Variants in PPM1E observed in about 807,000 individuals in gnomAD.
PPM1E encodes the protein protein phosphatase 1E.
Under a neutral mutation model 65.9 loss-of-function variants are expected in PPM1E, and 20 were observed. The observed-to-expected ratio is 0.30, with a 90% CI of 0.21 to 0.44. The LOEUF is 0.44. PPM1E is among the 20% of genes least tolerant of loss of function. The pLI is 1.00. For missense variants in PPM1E, 713 were observed against 953.1 expected (o/e 0.75, Z 3.32); for synonymous variants, 352 against 374.9 (o/e 0.94, Z 0.70).
At chr17:58,839,403 G>A (rs567712164) in intron 1 of PPM1E, among the ~76,000 whole-genome samples, 1 of 152,100 alleles carries the variant, frequency 6.6e-6, no homozygotes, top group Non-Finnish European at 1.5e-5. Flanking sequence ...ACTGTGACAA[G>A]AGCATCTAAC....
At chr17:58,916,260 G>A (rs1034382987) in intron 1 of PPM1E, among the ~76,000 whole-genome samples, 10 of 152,156 alleles carry the variant, frequency 6.6e-5, no homozygotes, top group Admixed American at 1.3e-4. Context: ...AAAAGACAGC[G>A]TGTACATAAA....
At chr17:58,764,312 T>C (rs147007125) in intron 1 of PPM1E, among the ~76,000 whole-genome samples, 9 of 152,274 alleles carry the variant, frequency 5.9e-5, no homozygotes, top group East Asian at 3.9e-4. Context: ...ACTTTAATTC[T>C]GTAACACATA....
intron 1 of PPM1E, among the ~76,000 whole-genome samples, chr17:58,848,678 T>G (rs1282138045): frequency 6.6e-6 from 1 of 152,216 alleles, no homozygotes; most frequent in African/African-American, 2.4e-5. Flanking sequence ...GGTTTGCCAG[T>G]ATTTTATTGA....
intron 1 of PPM1E, among the ~76,000 whole-genome samples, chr17:58,873,306 C>T (rs1011056885): frequency 1.1e-4 from 17 of 152,098 alleles, no homozygotes; most frequent in African/African-American, 4.1e-4. Flanking sequence ...ATACTATCAA[C>T]ATTACTGTTT....
At chr17:58,927,423 C>T (rs1197933542) in intron 1 of PPM1E, among the ~76,000 whole-genome samples, 1 of 152,016 alleles carries the variant, frequency 6.6e-6, no homozygotes, top group South Asian at 2.1e-4. Context: ...AGCCACCGCA[C>T]CCAGCCGACT....
intron 1 of PPM1E, among the ~76,000 whole-genome samples, chr17:58,937,263 CTTTTTTT>C (rs561439071): frequency 3.1e-4 from 41 of 133,938 alleles, no homozygotes; most frequent in Non-Finnish European, 5.3e-4. Flanking sequence ...AGGCCTGTCT[CTTTTTTT>C]TTTTTTTTTT....
At chr17:58,899,432 C>G (rs560831784) in intron 1 of PPM1E, 1 of 203,764 alleles carries the variant, frequency 4.9e-6, no homozygotes, top group South Asian at 8.8e-5. Flanking sequence ...CTGCCAAAAC[C>G]TTAGATAAGG....
chr17:58,764,621 GT>G (rs1012573731), intron 1 of PPM1E, among the ~76,000 whole-genome samples: 1 of 151,648 alleles, frequency 6.6e-6, no homozygotes, highest in South Asian at 2.1e-4. Context: ...CTTTTGGTTT[GT>G]TTTTTTTGTT....
intron 1 of PPM1E, among the ~76,000 whole-genome samples, chr17:58,880,172 C>A (rs2051178541): frequency 6.6e-6 from 1 of 152,190 alleles, no homozygotes; most frequent in Non-Finnish European, 1.5e-5. Context: ...GTCTCAACTT[C>A]ATCCTTGAGG....
intron 1 of PPM1E, among the ~76,000 whole-genome samples, chr17:58,937,111 C>T (rs1266448682): frequency 1.3e-5 from 2 of 148,364 alleles, no homozygotes. Flanking sequence ...GGTGAAACCT[C>T]GTCTCTAATA....
Position 58,981,019 on chromosome 17 carries a change from T to C in PPM1E, c.2256T>C (p.Tyr752=), listed in dbSNP as rs771240721. ...CATGCCCAGATCTTCCTTGGAGCTATAAAATAGAATAATTTTTCTTTCAAG... is the reference window on the plus strand; with the variant it reads ...CATGCCCAGATCTTCCTTGGAGCTACAAAATAGAATAATTTTTCTTTCAAG... The part of the protein sequence containing the change: ...DIPCPDLPWS[Y]KIE The change falls in exon 7 of 7, where the codon TAT becomes TAC. Residue 752 remains tyrosine, a synonymous_variant. Coordinates refer to ENST00000308249, the MANE Select transcript of PPM1E (RefSeq NM_014906.5). 4 of 1,583,924 alleles carry C rather than the reference T, an allele frequency of 2.5e-6. 1 individual carries two copies. The highest frequency in any genetic ancestry group is 2.3e-5 in the South Asian group (2 of 85,750).
chr17:58,758,302 G>A (rs2049788844), intron 1 of PPM1E, among the ~76,000 whole-genome samples: 1 of 152,034 alleles, frequency 6.6e-6, no homozygotes, highest in Admixed American at 6.6e-5. Flanking sequence ...AGGCCGGGGT[G>A]GCAGATCATG....
Position 58,849,287 on chromosome 17 carries a change from T to C in PPM1E, c.464+92826T>C, listed in dbSNP as rs1243000526. 2.6e-5 allele frequency among the ~76,000 whole-genome samples: 4 copies of C among 152,196 alleles called. No homozygotes were observed. In the East Asian group the frequency reaches 7.7e-4, roughly 29 times the overall value. ...TCTATCTCCTTCAATTCTGCTCTGATCTTAGTTATTTCTTGCCTTCTGCTA... is the reference window on the plus strand; with the variant it reads ...TCTATCTCCTTCAATTCTGCTCTGACCTTAGTTATTTCTTGCCTTCTGCTA... On this transcript the variant is annotated intron_variant, in intron 1 of 6. Coordinates refer to ENST00000308249, the MANE Select transcript of PPM1E (RefSeq NM_014906.5).
At chr17:58,944,816 AAT>A (rs775855748) in intron 1 of PPM1E, among the ~76,000 whole-genome samples, 16 of 152,226 alleles carry the variant, frequency 1.1e-4, no homozygotes, top group Non-Finnish European at 5.9e-5. Flanking sequence ...GTTTTTTGTG[AAT>A]ATATGTTTTT....
intron 1 of PPM1E, among the ~76,000 whole-genome samples, chr17:58,898,253 CA>C (rs1346932052): frequency 0.011 from 743 of 65,890 alleles, 4 homozygotes; most frequent in South Asian, 0.018. Flanking sequence ...GACTGCGTCT[CA>C]AAAAAAAAAA....
chr17:58,976,673 T>G (rs930910356), intron 6 of PPM1E, among the ~76,000 whole-genome samples: 10 of 152,216 alleles, frequency 6.6e-5, no homozygotes, highest in African/African-American at 2.4e-4. Context: ...AAATGGATAT[T>G]CATGCCCTCC....
chr17:58,836,785 G>T (rs1401102244), intron 1 of PPM1E, among the ~76,000 whole-genome samples: 59 of 149,294 alleles, frequency 4.0e-4, no homozygotes, highest in African/African-American at 1.4e-3. Context: ...ACTTTGGGAG[G>T]CCGAGACGGG....
At chr17:58,972,316 T>C in intron 5 of PPM1E, 41 bp downstream of exon 5, 1 of 1,561,344 alleles carries the variant, frequency 6.4e-7, no homozygotes, top group Non-Finnish European at 8.7e-7. Flanking sequence ...GCTCTAGTTA[T>C]TAGTTTAGAT....
chr17:58,762,017 A>T (rs1376637428), intron 1 of PPM1E, among the ~76,000 whole-genome samples: 4 of 152,212 alleles, frequency 2.6e-5, no homozygotes, highest in African/African-American at 9.6e-5. Flanking sequence ...GAAGCATGGT[A>T]AGTGTGGTAT....
Sources: gnomAD v4.1 joint callset for allele counts (sites outside exome capture counted in the v4.1 genomes callset) on GRCh38, gnomAD v4.1.1 for gene constraint, MANE v1.5 for transcripts, NCBI Gene and HGNC (gene_info 2026-07-23, HGNC 2026-07-21) for gene names.